Variants in ASCC3 observed in about 807,000 individuals in gnomAD.
ASCC3 encodes ASC-1 complex subunit P200.
Under a neutral mutation model 256.3 loss-of-function variants are expected in ASCC3, and 158 were observed. That is an observed-to-expected ratio of 0.62 (90% confidence interval 0.54 to 0.70). ASCC3 has a LOEUF of 0.70. ASCC3 is among the 30% of genes least tolerant of loss of function. The probability of loss-of-function intolerance (pLI) is 0.00; values close to 1 mark genes in which losing one functional copy is unlikely to be tolerated. For synonymous variants in ASCC3, 948 were observed against 883.4 expected (o/e 1.07, Z -1.30); for missense variants, 2,259 against 2,626.0 (o/e 0.86, Z 3.05).
At chr6:100,592,863 T>C (rs1314984615) in intron 34 of ASCC3, among the ~76,000 whole-genome samples, 2 of 152,124 alleles carry the variant, frequency 1.3e-5, no homozygotes, top group Admixed American at 6.6e-5. Flanking sequence ...AACACAAACA[T>C]TTCACAACTG....
At chr6:100,704,333 A>G (rs2115003765) in intron 13 of ASCC3, among the ~76,000 whole-genome samples, 1 of 152,132 alleles carries the variant, frequency 6.6e-6, no homozygotes, top group East Asian at 1.9e-4. Flanking sequence ...GAAGCGGAGT[A>G]AAGAAAGAAG....
chr6:100,601,092 A>G (rs938385611), intron 34 of ASCC3, among the ~76,000 whole-genome samples: 2 of 151,978 alleles, frequency 1.3e-5, no homozygotes, highest in Non-Finnish European at 2.9e-5. Context: ...ACATAATTTA[A>G]TTCTGCCTGA....
intron 41 of ASCC3, 143 bp from the exon 42 acceptor site, chr6:100,509,676 G>C: frequency 2.3e-6 from 2 of 868,936 alleles, no homozygotes; most frequent in Admixed American, 4.3e-5. Flanking sequence ...CGAGGCGGGC[G>C]GATCACGAGG....
chr6:100,543,742 A>G (rs1043031954), intron 36 of ASCC3, among the ~76,000 whole-genome samples: 5 of 151,936 alleles, frequency 3.3e-5, no homozygotes, highest in African/African-American at 1.2e-4. Flanking sequence ...GGAGAAACAG[A>G]AAAAAAATCA....
At chr6:100,754,858 C>T (rs757626396) in intron 10 of ASCC3, among the ~76,000 whole-genome samples, 1 of 152,010 alleles carries the variant, frequency 6.6e-6, no homozygotes. Context: ...ATAAGTCTCA[C>T]GAGATTTGAT....
chr6:100,526,239 A>C (rs1007108372), intron 37 of ASCC3, among the ~76,000 whole-genome samples: 6 of 152,208 alleles, frequency 3.9e-5, no homozygotes, highest in Non-Finnish European at 4.4e-5. Flanking sequence ...GTTAATCAAA[A>C]TGCTAATGCA....
intron 14 of ASCC3, among the ~76,000 whole-genome samples, chr6:100,670,155 A>T (rs1408493470): frequency 2.6e-5 from 4 of 152,052 alleles, no homozygotes; most frequent in African/African-American, 9.6e-5. Flanking sequence ...AATGTAAAAA[A>T]TGCTCAGTTT....
chr6:100,860,072 C>G (rs964454857), intron 3 of ASCC3, among the ~76,000 whole-genome samples: 10 of 151,980 alleles, frequency 6.6e-5, no homozygotes, highest in African/African-American at 2.2e-4. Flanking sequence ...TCTTACTGGC[C>G]TCATGAAATA....
chr6:100,531,477 G>A (rs1774869138), intron 37 of ASCC3, among the ~76,000 whole-genome samples: 1 of 151,990 alleles, frequency 6.6e-6, no homozygotes, highest in South Asian at 2.1e-4. Flanking sequence ...CTACGCTTTG[G>A]GCTAGTTGCA....
In ASCC3 at chr6:100,509,344, G is replaced by T. The variant is rs758477931; in HGVS notation, c.*42C>A. 1.2e-6 allele frequency: 2 copies of T among 1,611,856 alleles called. No individual in the cohort carries two copies. Among genetic ancestry groups the T allele is most frequent in the East Asian group, 2.2e-5 (1 of 44,818 alleles). Reference sequence around the variant, plus strand: ...ATTTGTCTAGATGACTGAACAGAGAGAATTCTTAGCCACTCCTTTCAAATG... The same window carrying T: ...ATTTGTCTAGATGACTGAACAGAGATAATTCTTAGCCACTCCTTTCAAATG... On this transcript the variant is annotated 3_prime_UTR_variant, in exon 42 of 42. Coordinates refer to ENST00000369162, the MANE Select transcript of ASCC3 (RefSeq NM_006828.4).
At chr6:100,682,893 T>C (rs953400874) in intron 13 of ASCC3, among the ~76,000 whole-genome samples, 3 of 152,188 alleles carry the variant, frequency 2.0e-5, no homozygotes, top group African/African-American at 7.2e-5. Context: ...TGCTGCTGCT[T>C]GTTAAAATAG....
chr6:100,608,731 T>A (rs1191981586), intron 30 of ASCC3, among the ~76,000 whole-genome samples: 1 of 2,712 alleles, frequency 3.7e-4, no homozygotes, highest in Non-Finnish European at 7.2e-4. Context: ...TATATATACT[T>A]TATATATATA....
At chr6:100,719,518 C>A (rs13197567) in intron 11 of ASCC3, among the ~76,000 whole-genome samples, 34 of 152,034 alleles carry the variant, frequency 2.2e-4, no homozygotes, top group Non-Finnish European at 4.9e-4. Flanking sequence ...ACACAATACT[C>A]TGGCAAACAC....
chr6:100,871,056 G>A (rs995250169), intron 1 of ASCC3, among the ~76,000 whole-genome samples: 2 of 152,006 alleles, frequency 1.3e-5, no homozygotes, highest in African/African-American at 2.4e-5. Context: ...GTCAAGGATC[G>A]TAGTTGAGAA....
At chr6:100,758,599 T>C (rs545693909) in intron 10 of ASCC3, among the ~76,000 whole-genome samples, 1 of 152,350 alleles carries the variant, frequency 6.6e-6, no homozygotes, top group East Asian at 1.9e-4. Context: ...TAGTATTCCA[T>C]GGTGTCTATA....
In ASCC3 at chr6:100,725,700, G is replaced by C. The variant is rs764192035; in HGVS notation, c.1741C>G (p.Leu581Val). The C allele has an allele frequency of 6.2e-7, 1 of 1,612,074 alleles. No homozygotes were observed. The highest frequency in any genetic ancestry group is 8.5e-7 in the Non-Finnish European group (1 of 1,178,768). ...SKSEILRTQM[L>V]VTTPEKWDVV... ...TCCCATTTTTCTGGTGTGGTCACAA[G>C]CATCTATAAGAGAAGACACATTTTA... The change falls in exon 11 of 42, where the codon CTT (leucine) becomes GTT (valine). Residue 581 changes from leucine (L) to valine (V), a missense_variant. Coordinates refer to ENST00000369162, the MANE Select transcript of ASCC3 (RefSeq NM_006828.4).
intron 30 of ASCC3, 101 bp downstream of exon 30, chr6:100,625,091 A>C (rs1428250508): frequency 1.4e-6 from 2 of 1,404,286 alleles, no homozygotes; most frequent in African/African-American, 2.9e-5. Flanking sequence ...CGGTATTATG[A>C]ATTTCTTCTT....
chr6:100,543,715 A>T (rs554315099), intron 36 of ASCC3, among the ~76,000 whole-genome samples: 1 of 152,248 alleles, frequency 6.6e-6, no homozygotes, highest in South Asian at 2.1e-4. Flanking sequence ...CATGAAAAAA[A>T]ACTTGTAGAA....
chr6:100,510,467 C>T (rs1482146712), intron 40 of ASCC3, among the ~76,000 whole-genome samples: 2 of 152,060 alleles, frequency 1.3e-5, no homozygotes, highest in African/African-American at 2.4e-5. Flanking sequence ...GAGACATAAC[C>T]ATGTTAATCA....
Sources: gnomAD v4.1 joint callset for allele counts (sites outside exome capture counted in the v4.1 genomes callset) on GRCh38, gnomAD v4.1.1 for gene constraint, MANE v1.5 for transcripts, NCBI Gene and HGNC (gene_info 2026-07-23, HGNC 2026-07-21) for gene names.